The following PDGFRL variants were observed in gnomAD, a reference collection of about 807,000 sequenced individuals.
The protein encoded by PDGFRL is platelet derived growth factor receptor like.
In PDGFRL, 46 loss-of-function variants were observed where a neutral mutation model predicts 37.2. The observed-to-expected ratio is 1.24, with a 90% CI of 0.98 to 1.58. The LOEUF is 1.58. PDGFRL is among the 40% of genes most tolerant of loss of function. The pLI is 0.00. For synonymous variants in PDGFRL, 251 were observed against 184.3 expected (o/e 1.36, Z -2.93); for missense variants, 692 against 467.6 (o/e 1.48, Z -4.43).
chr8:17,582,173 C>A (rs1363917101), intron 1 of PDGFRL, among the ~76,000 whole-genome samples: 1 of 152,150 alleles, frequency 6.6e-6, no homozygotes, highest in Non-Finnish European at 1.5e-5. Context: ...AACTTGGCTG[C>A]ATTGTGTCCA....
At chr8:17,627,939 C>T (rs955298808) in intron 3 of PDGFRL, among the ~76,000 whole-genome samples, 1 of 151,014 alleles carries the variant, frequency 6.6e-6, no homozygotes, top group Admixed American at 6.6e-5. Flanking sequence ...GGTGGTGATC[C>T]ATGGGCGTCA....
chr8:17,590,336 T>C (rs756536299), intron 2 of PDGFRL, among the ~76,000 whole-genome samples: 7 of 151,422 alleles, frequency 4.6e-5, no homozygotes, highest in Non-Finnish European at 8.8e-5. Flanking sequence ...CAATTTTCTA[T>C]GAAAATGTAT....
Position 17,642,724 on chromosome 8 carries a change from G to A in PDGFRL, c.1051G>A (p.Asp351Asn), listed in dbSNP as rs921433476. 3 of 1,607,050 alleles carry A rather than the reference G, an allele frequency of 1.9e-6. No individual in the cohort carries two copies. Among genetic ancestry groups the A allele is most frequent in the Non-Finnish European group, 1.7e-6 (2 of 1,173,570 alleles). ...VITVEDFETI[D>N]AGYYICTAQN... ...TACAGTGGAAGACTTTGAGACGATT[G>A]ATGCAGGATATTACATTTGCACTGC... Residue 351 changes from aspartate to asparagine, a missense_variant, in exon 6 of 6, where the codon GAT becomes AAT. Transcript: ENST00000251630.
At chr8:17,617,317 T>C (rs1804549459) in intron 2 of PDGFRL, among the ~76,000 whole-genome samples, 1 of 152,126 alleles carries the variant, frequency 6.6e-6, no homozygotes, top group African/African-American at 2.4e-5. Flanking sequence ...TTAGGACGCT[T>C]TTTCCTGGCA....
chr8:17,617,543 C>T (rs1044343657), intron 2 of PDGFRL, among the ~76,000 whole-genome samples: 13 of 152,238 alleles, frequency 8.5e-5, no homozygotes, highest in East Asian at 1.9e-4. Context: ...CAACCCCTTG[C>T]GTAGTCTGCT....
intron 2 of PDGFRL, among the ~76,000 whole-genome samples, chr8:17,599,559 T>C (rs1482250660): frequency 6.6e-6 from 1 of 152,180 alleles, no homozygotes; most frequent in Non-Finnish European, 1.5e-5. Flanking sequence ...ATCTACTTTC[T>C]CTTGTCTGCA....
At chr8:17,585,225 C>T (rs1393612730) in intron 1 of PDGFRL, among the ~76,000 whole-genome samples, 1 of 152,122 alleles carries the variant, frequency 6.6e-6, no homozygotes, top group Non-Finnish European at 1.5e-5. Context: ...TTACCACAAC[C>T]TGTTTTATCA....
intron 2 of PDGFRL, among the ~76,000 whole-genome samples, chr8:17,590,593 C>G (rs865911003): frequency 5.3e-4 from 78 of 147,050 alleles, no homozygotes; most frequent in African/African-American, 2.0e-3. Context: ...ACCTGCAATT[C>G]CAGTTACTCA....
At chr8:17,618,315 C>A (rs922352429) in intron 2 of PDGFRL, among the ~76,000 whole-genome samples, 11 of 152,292 alleles carry the variant, frequency 7.2e-5, no homozygotes, top group Admixed American at 3.3e-4. Flanking sequence ...CTCAGCCTCC[C>A]AAAGTGTTGG....
chr8:17,630,183 AT>A lies in PDGFRL; in HGVS notation c.799+1404del, dbSNP rs374168592. Among the ~76,000 whole-genome samples the A allele has an allele frequency of 5.7e-3, 869 of 152,066 alleles. 3 individuals carry two copies. The highest frequency in any genetic ancestry group is 8.6e-3 in the Non-Finnish European group (586 of 67,950). ...TCCCGTCTTTCTTCTGTTTTCCCCAATGTGCACAGAACACTTGGAGTTCTCA... is the reference window on the plus strand; with the variant it reads ...TCCCGTCTTTCTTCTGTTTTCCCCAAGTGCACAGAACACTTGGAGTTCTCA... On this transcript the variant is annotated intron_variant, in intron 4 of 5. Coordinates refer to ENST00000251630, the MANE Select transcript of PDGFRL (RefSeq NM_001372073.1).
At chr8:17,618,224 TG>T (rs1258321615) in intron 2 of PDGFRL, among the ~76,000 whole-genome samples, 3 of 152,100 alleles carry the variant, frequency 2.0e-5, no homozygotes, top group Non-Finnish European at 4.4e-5. Context: ...GCCTGGCTAA[TG>T]TTTAATTTTT....
rs1179865761 is a variant in PDGFRL at position 17,621,164 on chromosome 8, A to G, written c.467A>G (p.Asp156Gly). 5.0e-6 allele frequency: 8 copies of G among 1,611,316 alleles called. No individual in the cohort carries two copies. In the East Asian group the frequency reaches 1.8e-4, roughly 36 times the overall value. Residue 156 changes from aspartate to glycine, a missense_variant, in exon 3 of 6, where the codon GAC becomes GGC. Transcript: ENST00000251630. Reference sequence around the variant, plus strand: ...TGCAGCGGCTACATCTGCAGGAAGGACGAGGCCAAAACGGGCTCCACCTAC... The same window carrying G: ...TGCAGCGGCTACATCTGCAGGAAGGGCGAGGCCAAAACGGGCTCCACCTAC... ...QLCSGYICRK[D>G]EAKTGSTYIF...
intron 2 of PDGFRL, among the ~76,000 whole-genome samples, chr8:17,600,548 C>T (rs538418603): frequency 4.6e-5 from 7 of 152,124 alleles, no homozygotes; most frequent in Middle Eastern, 3.4e-3. Flanking sequence ...ACCATCTATC[C>T]TAGCAACAGG....
At chr8:17,620,265 T>C (rs1013371323) in intron 2 of PDGFRL, among the ~76,000 whole-genome samples, 12 of 152,196 alleles carry the variant, frequency 7.9e-5, no homozygotes, top group African/African-American at 2.2e-4. Context: ...AAACACATTC[T>C]TTTTTTTGAA....
chr8:17,606,625 C>T (rs909298885), intron 2 of PDGFRL, among the ~76,000 whole-genome samples: 2 of 152,130 alleles, frequency 1.3e-5, no homozygotes, highest in Non-Finnish European at 2.9e-5. Context: ...CTGCAGGATA[C>T]AAGACTTCCC....
Position 17,577,316 on chromosome 8 carries a change from C to T in PDGFRL, c.55+9C>T, listed in dbSNP as rs1803606960. On this transcript the variant is annotated intron_variant, in intron 1 of 5. Transcript: ENST00000251630. ...CGAAGCGCTGGAGGATGGTGAGTGA[C>T]TCTGGGCGCGGGGCCACCTAGCTTG... 1 of 1,610,850 alleles carries T rather than the reference C, an allele frequency of 6.2e-7. No homozygotes were observed. Among genetic ancestry groups the T allele is most frequent in the Non-Finnish European group, 8.5e-7 (1 of 1,178,214 alleles).
intron 2 of PDGFRL, among the ~76,000 whole-genome samples, chr8:17,617,775 TG>T (rs1290755696): frequency 3.9e-5 from 6 of 152,148 alleles, no homozygotes; most frequent in African/African-American, 1.4e-4. Context: ...TATTCCCAAG[TG>T]TTAATTTCTT....
intron 2 of PDGFRL, among the ~76,000 whole-genome samples, chr8:17,608,288 G>C (rs879354979): frequency 6.6e-6 from 1 of 152,162 alleles, no homozygotes; most frequent in Non-Finnish European, 1.5e-5. Flanking sequence ...CATTGGAGCA[G>C]AGGTCAGAAA....
intron 2 of PDGFRL, among the ~76,000 whole-genome samples, chr8:17,599,734 C>T (rs982149652): frequency 4.3e-4 from 65 of 152,178 alleles, no homozygotes; most frequent in African/African-American, 1.6e-3. Context: ...CTCTGACTTT[C>T]AGCTAATGAA....
Sources: allele counts gnomAD v4.1 joint callset (sites outside exome capture counted in the v4.1 genomes callset), GRCh38; gene constraint gnomAD v4.1.1; transcripts MANE v1.5; gene names NCBI Gene and HGNC (gene_info 2026-07-23, HGNC 2026-07-21).